Variants in ELMO1 observed in about 807,000 individuals in gnomAD.
The protein encoded by ELMO1 is engulfment and cell motility 1.
A neutral mutation model predicts 98.9 loss-of-function variants in ELMO1; 26 were observed. The ratio of observed to expected loss-of-function variants is 0.26; its 90% CI spans 0.19 to 0.36. The LOEUF (loss-of-function observed/expected upper bound fraction) is 0.36, where lower values mean the gene tolerates loss of function less well. Among genes scored for constraint, ELMO1 ranks in the 10% least tolerant of loss-of-function variants. The pLI, the probability that ELMO1 is intolerant of heterozygous loss-of-function variation, is 1.00. For synonymous variants in ELMO1, 346 were observed against 346.0 expected (o/e 1.00, Z 0.00); for missense variants, 627 against 935.2 (o/e 0.67, Z 4.30).
intron 19 of ELMO1, among the ~76,000 whole-genome samples, chr7:36,876,138 T>C (rs1262174632): frequency 6.6e-6 from 1 of 152,236 alleles, no homozygotes; most frequent in East Asian, 1.9e-4. Flanking sequence ...TGCAGAGCAG[T>C]GATTCCACAT....
intron 4 of ELMO1, among the ~76,000 whole-genome samples, chr7:37,296,699 C>CATT (rs1798045346): frequency 1.3e-5 from 2 of 152,138 alleles, no homozygotes; most frequent in Admixed American, 6.5e-5. Context: ...CAACACAGAG[C>CATT]ATTAGCTGGA....
chr7:37,302,247 C>T (rs1250158785), intron 4 of ELMO1, among the ~76,000 whole-genome samples: 1 of 152,190 alleles, frequency 6.6e-6, no homozygotes, highest in Non-Finnish European at 1.5e-5. Flanking sequence ...CCTGCAGACA[C>T]CTCAGTCCCC....
intron 15 of ELMO1, among the ~76,000 whole-genome samples, chr7:37,022,430 C>T (rs978464861): frequency 1.5e-4 from 23 of 152,246 alleles, no homozygotes; most frequent in African/African-American, 5.5e-4. Context: ...CGTAAATAGG[C>T]ACTTCACAAA....
chr7:36,983,529 C>G (rs955641690), intron 16 of ELMO1, among the ~76,000 whole-genome samples: 2 of 152,178 alleles, frequency 1.3e-5, no homozygotes, highest in Non-Finnish European at 2.9e-5. Flanking sequence ...ACACCAAACA[C>G]TTGTCAGTTC....
intron 16 of ELMO1, among the ~76,000 whole-genome samples, chr7:37,005,125 AAAAAAAAG>A (rs1562890637): frequency 6.7e-6 from 1 of 149,508 alleles, no homozygotes; most frequent in Non-Finnish European, 1.5e-5. Flanking sequence ...AAAAAAAAAA[AAAAAAAAG>A]AAAAAAAGAA....
intron 14 of ELMO1, among the ~76,000 whole-genome samples, chr7:37,120,288 G>A (rs1785915998): frequency 6.6e-6 from 1 of 152,240 alleles, no homozygotes; most frequent in African/African-American, 2.4e-5. Flanking sequence ...GTCGGACAGT[G>A]GGTGCAGCGC....
chr7:37,281,056 A>T (rs1174412692), intron 4 of ELMO1, among the ~76,000 whole-genome samples: 1 of 151,450 alleles, frequency 6.6e-6, no homozygotes. Context: ...CTACACAGCC[A>T]TAAAAAGGAG....
intron 6 of ELMO1, among the ~76,000 whole-genome samples, chr7:37,251,216 T>A (rs1301090396): frequency 6.6e-6 from 1 of 152,206 alleles, no homozygotes; most frequent in South Asian, 2.1e-4. Flanking sequence ...TTGATATCCA[T>A]CTTTTTGATA....
intron 1 of ELMO1, among the ~76,000 whole-genome samples, chr7:37,388,830 G>A (rs559287383): frequency 6.6e-5 from 10 of 152,142 alleles, no homozygotes; most frequent in African/African-American, 2.2e-4. Context: ...TAAAAATACC[G>A]CCGTCACCTG....
At chr7:37,031,506 C>T (rs992910502) in intron 15 of ELMO1, among the ~76,000 whole-genome samples, 5 of 152,150 alleles carry the variant, frequency 3.3e-5, no homozygotes, top group African/African-American at 4.8e-5. Context: ...AGTGGTAACT[C>T]CTGCAGGTCT....
intron 1 of ELMO1, among the ~76,000 whole-genome samples, chr7:37,431,835 T>C (rs1478022915): frequency 6.6e-6 from 1 of 152,006 alleles, no homozygotes; most frequent in East Asian, 1.9e-4. Flanking sequence ...TAGGGACTTA[T>C]GGAGGCCAGG....
At chr7:36,970,790 A>G (rs935383842) in intron 16 of ELMO1, among the ~76,000 whole-genome samples, 1 of 152,252 alleles carries the variant, frequency 6.6e-6, no homozygotes, top group Non-Finnish European at 1.5e-5. Flanking sequence ...TGGTTGTGCA[A>G]TGTCAGAGCT....
At chr7:36,979,037 T>G (rs1325510282) in intron 16 of ELMO1, among the ~76,000 whole-genome samples, 1 of 152,194 alleles carries the variant, frequency 6.6e-6, no homozygotes, top group Non-Finnish European at 1.5e-5. Context: ...GAAACCTAAA[T>G]CTTACTTGGT....
intron 16 of ELMO1, 105 bp from the exon 17 acceptor site, chr7:36,895,122 G>T: frequency 1.4e-5 from 17 of 1,256,660 alleles, no homozygotes; most frequent in Non-Finnish European, 1.8e-5. Flanking sequence ...CCCTCTGCAC[G>T]CATGCTCAGC....
At chr7:37,068,306 G>T (rs1584593698) in intron 15 of ELMO1, among the ~76,000 whole-genome samples, 1 of 152,182 alleles carries the variant, frequency 6.6e-6, no homozygotes, top group Non-Finnish European at 1.5e-5. Context: ...TGACGTTAAA[G>T]AGATATTCTT....
chr7:36,967,249 T>C lies in ELMO1; in HGVS notation c.1437+46050A>G, dbSNP rs148485451. ...TTTTTTTCACATTCAGTACTAAAAA[T>C]TGGAATCAAGTTTCTATAAAAAACT... is the stretch of plus-strand genomic sequence containing the variant. On this transcript the variant is annotated intron_variant, in intron 16 of 21. Transcript: ENST00000310758. 5.9e-5 allele frequency among the ~76,000 whole-genome samples: 9 copies of C among 152,274 alleles called. No homozygotes were observed. In the South Asian group the frequency reaches 1.7e-3, roughly 28 times the overall value.
chr7:37,081,111 C>A (rs986404232), intron 15 of ELMO1, among the ~76,000 whole-genome samples: 2 of 152,128 alleles, frequency 1.3e-5, no homozygotes, highest in Non-Finnish European at 2.9e-5. Context: ...ACTGCTATAG[C>A]CCCAGTGCTA....
At chr7:37,248,784 C>T (rs1795157913) in intron 6 of ELMO1, among the ~76,000 whole-genome samples, 1 of 152,236 alleles carries the variant, frequency 6.6e-6, no homozygotes, top group Non-Finnish European at 1.5e-5. Flanking sequence ...TCGCTTTGGC[C>T]TGCACTGGAC....
intron 1 of ELMO1, among the ~76,000 whole-genome samples, chr7:37,447,560 G>T (rs73691113): frequency 0.01 from 1,588 of 151,788 alleles, 26 homozygotes; most frequent in African/African-American, 0.036. Context: ...CCCCCTAGGC[G>T]GGAGAGGGTC....
Sources: gnomAD v4.1 joint callset for allele counts (sites outside exome capture counted in the v4.1 genomes callset) on GRCh38, gnomAD v4.1.1 for gene constraint, MANE v1.5 for transcripts, NCBI Gene and HGNC (gene_info 2026-07-23, HGNC 2026-07-21) for gene names.